The following ARMC9 variants were observed in gnomAD, a reference collection of about 807,000 sequenced individuals.
ARMC9 encodes the protein lisH domain-containing protein ARMC9.
ARMC9 carries 94 observed loss-of-function variants against 107.0 expected under a neutral mutation model. That is an observed-to-expected ratio of 0.88 (90% CI 0.74 to 1.04). The LOEUF (loss-of-function observed/expected upper bound fraction) is 1.04. ARMC9 is among the 50% of genes least tolerant of loss of function. ARMC9 has a pLI of 0.00. For missense variants in ARMC9, 942 were observed against 1,030.1 expected (o/e 0.91, Z 1.17); for synonymous variants, 380 against 396.9 (o/e 0.96, Z 0.51).
Position 231,282,056 on chromosome 2 carries a change from A to G in ARMC9, c.1552-3A>G. ...ATAACTGGTTTTTTTCCTCCCCTTA[A>G]AGATACAGCCGTATGTGAATGGAGC... is the stretch of plus-strand genomic sequence containing the variant. On this transcript the variant is annotated splice_region_variant and splice_polypyrimidine_tract_variant and intron_variant, in intron 16 of 24. Transcript: ENST00000611582. 1 of 1,613,978 alleles carries G rather than the reference A, an allele frequency of 6.2e-7. No individual in the cohort carries two copies. The highest frequency in any genetic ancestry group is 1.1e-5 in the South Asian group (1 of 91,076).
Position 231,255,988 on chromosome 2 carries a change from C to T in ARMC9, c.880-598C>T, listed in dbSNP as rs926619297. On this transcript the variant is annotated intron_variant, in intron 9 of 24. Coordinates refer to ENST00000611582, the MANE Select transcript of ARMC9 (RefSeq NM_001352754.2). This position sits in a 1 kb window ranked among gnomAD's most constrained non-coding sequence, Gnocchi z 4.7. ...CCGGTAGGCGGAGGTTGCGGTGAGC[C>T]AAGATTGCGCCACTGCTCTCCAGCC... 2 of 1,134,374 alleles carry T rather than the reference C, an allele frequency of 1.8e-6. No homozygotes were observed. The highest frequency in any genetic ancestry group is 2.4e-6 in the Non-Finnish European group (2 of 822,120). 70.3% of individuals were successfully genotyped at this position (1,134,374 alleles called of 1,614,324 possible).
At chr2:231,241,441 A>G (rs956496726) in intron 9 of ARMC9, among the ~76,000 whole-genome samples, 3 of 151,982 alleles carry the variant, frequency 2.0e-5, no homozygotes, top group African/African-American at 7.3e-5. Flanking sequence ...GCTCACACCA[A>G]CCTGCTGCCC....
chr2:231,258,878 C>T (rs570241295), intron 10 of ARMC9, 113 bp from the exon 11 acceptor site: 34 of 969,262 alleles, frequency 3.5e-5, no homozygotes, highest in Middle Eastern at 2.2e-4. Context: ...GGAGGTCATG[C>T]TGGGAGCCCA....
At chr2:231,278,309 C>G in intron 15 of ARMC9, 73 bp from the exon 16 acceptor site, 1 of 1,490,320 alleles carries the variant, frequency 6.7e-7, no homozygotes, top group Non-Finnish European at 9.4e-7. Context: ...GATTTGTCTC[C>G]AAGTCTACCT....
chr2:231,339,056 G>A (rs539057842), intron 20 of ARMC9, among the ~76,000 whole-genome samples: 2 of 152,218 alleles, frequency 1.3e-5, no homozygotes, highest in Non-Finnish European at 2.9e-5. Context: ...TAGGCTGGGT[G>A]TGGTGGCTCA....
intron 1 of ARMC9, 177 bp downstream of exon 1, chr2:231,198,875 C>T (rs1184178636): frequency 6.6e-6 from 1 of 152,524 alleles, no homozygotes; most frequent in Non-Finnish European, 1.5e-5. Context: ...GTCCAGGGAT[C>T]TTTCTTCGGC....
intron 23 of ARMC9, among the ~76,000 whole-genome samples, chr2:231,363,610 G>A: frequency 6.6e-6 from 1 of 152,164 alleles, no homozygotes; most frequent in East Asian, 1.9e-4. Flanking sequence ...AGACCTGCCT[G>A]GCGCAGTGGC....
intron 19 of ARMC9, among the ~76,000 whole-genome samples, chr2:231,328,992 A>AT (rs1287598656): frequency 6.7e-5 from 10 of 150,138 alleles, no homozygotes. Context: ...TTTTTTTTGT[A>AT]TTTTTTAGTA....
chr2:231,201,501 C>G (rs986137266), intron 1 of ARMC9, among the ~76,000 whole-genome samples: 5 of 152,218 alleles, frequency 3.3e-5, no homozygotes, highest in African/African-American at 1.2e-4. Context: ...CTCATCTGCC[C>G]ACTCCCGTGG....
At chr2:231,282,371 C>T (rs2040282056) in intron 17 of ARMC9, among the ~76,000 whole-genome samples, 1 of 152,330 alleles carries the variant, frequency 6.6e-6, no homozygotes, top group South Asian at 2.1e-4. Flanking sequence ...TTAGAAAGTT[C>T]CCAGCAGGCT....
Position 231,374,836 on chromosome 2 carries a change from C to G in ARMC9, c.*3301C>G, listed in dbSNP as rs1440288170. 3.3e-5 allele frequency: 5 copies of G among 152,126 alleles called. No homozygotes were observed. Among genetic ancestry groups the G allele is most frequent in the African/African-American group, 1.2e-4 (5 of 41,416 alleles). 9.4% of individuals were successfully genotyped at this position (152,126 alleles called of 1,614,324 possible). On this transcript the variant is annotated 3_prime_UTR_variant, in exon 25 of 25. Transcript: ENST00000611582. ...ATTAAAATATTACATCATGTGTCTT[C>G]ATTACTGAGTTTTGGGGTAGCCCTT...
chr2:231,338,365 C>T (rs1384704696), intron 20 of ARMC9, among the ~76,000 whole-genome samples: 1 of 151,774 alleles, frequency 6.6e-6, no homozygotes. Context: ...GCTGGGACTA[C>T]AGGCGTATGT....
At chr2:231,289,312 C>A (rs951199858) in intron 17 of ARMC9, among the ~76,000 whole-genome samples, 1 of 151,956 alleles carries the variant, frequency 6.6e-6, no homozygotes, top group African/African-American at 2.4e-5. Flanking sequence ...ACAAAAAATA[C>A]AAAAATTAGT....
chr2:231,261,883 C>T (rs976377857), intron 11 of ARMC9, among the ~76,000 whole-genome samples: 6 of 151,504 alleles, frequency 4.0e-5, no homozygotes, highest in East Asian at 3.9e-4. Context: ...AGTGCAGTGG[C>T]GCGATCTCGG....
intron 19 of ARMC9, among the ~76,000 whole-genome samples, chr2:231,305,419 A>G (rs1435947509): frequency 2.0e-5 from 3 of 152,274 alleles, no homozygotes; most frequent in African/African-American, 7.2e-5. Context: ...GTTGCCAAGT[A>G]TTTACATAAG....
chr2:231,320,169 C>G (rs978852920), intron 19 of ARMC9, among the ~76,000 whole-genome samples: 1 of 152,206 alleles, frequency 6.6e-6, no homozygotes, highest in Non-Finnish European at 1.5e-5. Flanking sequence ...GTGTGTTTCT[C>G]CTTCCTTTCC....
chr2:231,365,657 GA>G (rs2045784270), intron 23 of ARMC9, among the ~76,000 whole-genome samples: 1 of 139,682 alleles, frequency 7.2e-6, no homozygotes, highest in African/African-American at 2.7e-5. Context: ...AGGCAGATAG[GA>G]ACCAGCCGCA....
chr2:231,206,940 C>T (rs998246937), intron 2 of ARMC9, among the ~76,000 whole-genome samples: 4 of 152,216 alleles, frequency 2.6e-5, no homozygotes, highest in African/African-American at 7.2e-5. Flanking sequence ...GAGGCACCCA[C>T]CGTGCAACTG....
At chr2:231,203,886 G>A (rs538848860) in intron 1 of ARMC9, among the ~76,000 whole-genome samples, 1 of 152,284 alleles carries the variant, frequency 6.6e-6, no homozygotes, top group East Asian at 1.9e-4. Flanking sequence ...CTGGAACCCC[G>A]GAGGTGGAGG....
Sources: gnomAD v4.1 joint callset for allele counts (sites outside exome capture counted in the v4.1 genomes callset) on GRCh38, gnomAD v4.1.1 for gene constraint, Gnocchi (gnomAD v3.1) non-coding constraint, MANE v1.5 for transcripts, NCBI Gene and HGNC (gene_info 2026-07-23, HGNC 2026-07-21) for gene names.